Variants in RYR3 observed in about 807,000 individuals in gnomAD.
RYR3 encodes the protein ryanodine receptor 3, also known as brain ryanodine receptor-calcium release channel.
Under a neutral mutation model 584.3 loss-of-function variants are expected in RYR3, and 207 were observed. That is an observed-to-expected ratio of 0.35 (90% CI 0.32 to 0.40). The LOEUF (loss-of-function observed/expected upper bound fraction) is 0.40, where lower values mean the gene tolerates loss of function less well. RYR3 is among the 10% of genes least tolerant of loss of function. The probability of loss-of-function intolerance (pLI) is 1.00; values close to 1 mark genes in which losing one functional copy is unlikely to be tolerated. For synonymous variants in RYR3, 2,416 were observed against 2,248.5 expected (o/e 1.07, Z -2.11); for missense variants, 5,616 against 6,089.2 (o/e 0.92, Z 2.59).
chr15:33,574,366 A>G (rs1175977534), intron 12 of RYR3, among the ~76,000 whole-genome samples: 1 of 152,198 alleles, frequency 6.6e-6, no homozygotes, highest in Non-Finnish European at 1.5e-5. Context: ...CCTTCACTGA[A>G]TTCAGAAGTG....
intron 18 of RYR3, 116 bp downstream of exon 18, chr15:33,603,480 C>A: frequency 9.0e-7 from 1 of 1,106,356 alleles, no homozygotes; most frequent in Non-Finnish European, 1.3e-6. Context: ...AGAGTCTCAA[C>A]TAATTAAACG....
intron 60 of RYR3, among the ~76,000 whole-genome samples, chr15:33,761,597 T>C (rs1158182623): frequency 6.6e-6 from 1 of 151,608 alleles, no homozygotes; most frequent in Non-Finnish European, 1.5e-5. Context: ...AGTTCTGAAA[T>C]TGAGGCAGTA....
At chr15:33,640,770 G>C (rs1199885672) in intron 27 of RYR3, among the ~76,000 whole-genome samples, 1 of 152,150 alleles carries the variant, frequency 6.6e-6, no homozygotes, top group African/African-American at 2.4e-5. Flanking sequence ...CATCTTGGCC[G>C]AAGACTGTGC....
At chr15:33,324,851 T>G (rs1595717200) in intron 1 of RYR3, among the ~76,000 whole-genome samples, 3 of 152,312 alleles carry the variant, frequency 2.0e-5, no homozygotes, top group Admixed American at 2.0e-4. Flanking sequence ...AACCGCATTA[T>G]GGAATGATCC....
intron 70 of RYR3, 72 bp downstream of exon 70, chr15:33,807,641 CTGT>C: frequency 1.4e-6 from 2 of 1,408,436 alleles, no homozygotes; most frequent in Non-Finnish European, 2.0e-6. Flanking sequence ...CCCCTCTGCA[CTGT>C]GATCACCATG....
chr15:33,418,339 T>TTTA (rs894524513), intron 1 of RYR3, among the ~76,000 whole-genome samples: 1 of 151,886 alleles, frequency 6.6e-6, no homozygotes, highest in Non-Finnish European at 1.5e-5. Context: ...GTTTTTTTTT[T>TTTA]TTATTATTAT....
chr15:33,492,921 C>T (rs2051096727), intron 2 of RYR3, among the ~76,000 whole-genome samples: 1 of 152,142 alleles, frequency 6.6e-6, no homozygotes, highest in African/African-American at 2.4e-5. Context: ...CTGCTGGATA[C>T]CACTGCCTTG....
Position 33,661,746 on chromosome 15 carries a change from G to A in RYR3, c.4623-407G>A, listed in dbSNP as rs540449670. 2.6e-5 allele frequency among the ~76,000 whole-genome samples: 4 copies of A among 152,228 alleles called. No individual in the cohort carries two copies. In the South Asian group the frequency reaches 6.2e-4, roughly 24 times the overall value. On this transcript the variant is annotated intron_variant, in intron 34 of 103. Coordinates refer to ENST00000634891, the MANE Select transcript of RYR3 (RefSeq NM_001036.6). ...GGGATTGGGAACCCCTGATGTAGAC[G>A]GTAGACTGACAGAAAGCATAATCTA...
chr15:33,536,151 T>A (rs999938016), intron 5 of RYR3, among the ~76,000 whole-genome samples: 1 of 152,158 alleles, frequency 6.6e-6, no homozygotes, highest in African/African-American at 2.4e-5. Flanking sequence ...TCTGGCTAGT[T>A]CTCTGAATGC....
chr15:33,320,394 A>G (rs1968804380), intron 1 of RYR3, among the ~76,000 whole-genome samples: 1 of 152,238 alleles, frequency 6.6e-6, no homozygotes, highest in African/African-American at 2.4e-5. Context: ...ATCTAAAGAA[A>G]GCAGGGTGTG....
chr15:33,387,075 T>C (rs561053443), intron 1 of RYR3, among the ~76,000 whole-genome samples: 1 of 152,112 alleles, frequency 6.6e-6, no homozygotes, highest in Non-Finnish European at 1.5e-5. Flanking sequence ...GCCAGGATGG[T>C]CTCGATCTCC....
At chr15:33,359,980 T>G (rs968102463) in intron 1 of RYR3, among the ~76,000 whole-genome samples, 4 of 152,102 alleles carry the variant, frequency 2.6e-5, no homozygotes, top group Non-Finnish European at 4.4e-5. Context: ...CCTGCTTTAT[T>G]TTTTTAATGG....
rs144739185 is a variant in RYR3, at chr15:33,414,793, C to T, written c.52-58626C>T. On this transcript the variant is annotated intron_variant, in intron 1 of 103. Transcript: ENST00000634891. The stretch of plus-strand genomic sequence containing the variant: ...ATTTTTAGTAGAGACAGGGTTTCAC[C>T]GTGTTAGCCAGGATGGTCTTGATCT... Among the ~76,000 whole-genome samples the T allele has an allele frequency of 3.0e-3, 453 of 152,168 alleles. 1 individual carries two copies. The highest frequency in any genetic ancestry group is 9.8e-3 in the African/African-American group (408 of 41,502).
chr15:33,568,316 T>C (rs1014904897), intron 12 of RYR3, among the ~76,000 whole-genome samples: 1 of 152,228 alleles, frequency 6.6e-6, no homozygotes, highest in African/African-American at 2.4e-5. Context: ...CTGTATGATA[T>C]GTGAACTGTA....
At chr15:33,352,518 C>T (rs551205631) in intron 1 of RYR3, among the ~76,000 whole-genome samples, 26 of 152,272 alleles carry the variant, frequency 1.7e-4, no homozygotes, top group African/African-American at 6.3e-4. Flanking sequence ...CCCTTGTTGA[C>T]TTAACGAGAT....
chr15:33,649,067 C>T lies in RYR3; in HGVS notation c.3979-5C>T, dbSNP rs370934246. 3.7e-6 allele frequency: 6 copies of T among 1,612,172 alleles called. No homozygotes were observed. The highest frequency in any genetic ancestry group is 5.1e-6 in the Non-Finnish European group (6 of 1,179,280). On this transcript the variant is annotated splice_polypyrimidine_tract_variant and splice_region_variant and intron_variant, in intron 30 of 103. Transcript: ENST00000634891. ...CATTGACTCCCCTCTGCGGTCTCTC[C>T]ACAGCAGTGCTACTACGCCATCCGC...
intron 10 of RYR3, among the ~76,000 whole-genome samples, chr15:33,558,266 G>GC (rs1359545371): frequency 2.0e-5 from 3 of 150,960 alleles, no homozygotes; most frequent in Non-Finnish European, 4.4e-5. Context: ...CCCACAACAG[G>GC]CCCCGGTGTG....
At chr15:33,680,516 A>G (rs1342442005) in intron 38 of RYR3, among the ~76,000 whole-genome samples, 1 of 152,210 alleles carries the variant, frequency 6.6e-6, no homozygotes, top group East Asian at 1.9e-4. Context: ...TCCGTGCACT[A>G]CAGTGTCCAA....
intron 1 of RYR3, among the ~76,000 whole-genome samples, chr15:33,398,873 G>A (rs1319511722): frequency 6.6e-6 from 1 of 152,216 alleles, no homozygotes; most frequent in Non-Finnish European, 1.5e-5. Context: ...TGACAGCCTG[G>A]GTACCTGGGT....
Sources: allele counts gnomAD v4.1 joint callset (sites outside exome capture counted in the v4.1 genomes callset), GRCh38; gene constraint gnomAD v4.1.1; transcripts MANE v1.5; gene names NCBI Gene and HGNC (gene_info 2026-07-23, HGNC 2026-07-21).